LUZP2: variants seen among roughly 807,000 people sequenced by gnomAD.
LUZP2 encodes the protein leucine zipper protein 2.
In LUZP2, 52 loss-of-function variants were observed where a neutral mutation model predicts 51.6. The observed-to-expected ratio is 1.01, with a 90% CI of 0.81 to 1.27. The LOEUF (loss-of-function observed/expected upper bound fraction) is 1.27, where lower values mean the gene tolerates loss of function less well. Ranked by LOEUF, LUZP2 falls within the 50% of genes most tolerant of loss-of-function variation. The pLI is 0.00. For synonymous variants in LUZP2, 154 were observed against 137.3 expected (o/e 1.12, Z -0.85); for missense variants, 436 against 395.4 (o/e 1.10, Z -0.87).
chr11:24,751,572 C>T lies in LUZP2; in HGVS notation c.334-11674C>T, dbSNP rs113445101. 22 of 982,496 alleles carry T rather than the reference C, an allele frequency of 2.2e-5. No individual in the cohort carries two copies. The African/African-American group carries it at 2.8e-4, about 12-fold the overall frequency. 60.9% of individuals were successfully genotyped at this position (982,496 alleles called of 1,614,324 possible). ...GGAAGGGTGGAGTCGTAGTACCCAC[C>T]CCATCTCCCTTAGATCCCCTAAGAG... On this transcript the variant is annotated intron_variant, in intron 4 of 11. Coordinates refer to ENST00000336930, the MANE Select transcript of LUZP2 (RefSeq NM_001009909.4).
chr11:24,632,248 A>G (rs1371056834), intron 1 of LUZP2, among the ~76,000 whole-genome samples: 3 of 152,024 alleles, frequency 2.0e-5, no homozygotes, highest in Non-Finnish European at 4.4e-5. Context: ...TAGAATATTT[A>G]TTCATATATT....
chr11:24,882,546 C>A (rs754670542), intron 5 of LUZP2, among the ~76,000 whole-genome samples: 12 of 151,968 alleles, frequency 7.9e-5, no homozygotes, highest in Non-Finnish European at 1.5e-4. Context: ...GACATGTATC[C>A]ATCATTGTAG....
At chr11:24,993,675 G>C (rs1219954741) in intron 9 of LUZP2, among the ~76,000 whole-genome samples, 4 of 151,944 alleles carry the variant, frequency 2.6e-5, no homozygotes, top group Non-Finnish European at 5.9e-5. Context: ...AGCCACACCA[G>C]TTTTTACATC....
intron 1 of LUZP2, among the ~76,000 whole-genome samples, chr11:24,633,724 T>C (rs111713636): frequency 2.6e-3 from 394 of 152,066 alleles, no homozygotes; most frequent in African/African-American, 9.0e-3. Context: ...ATGTTTTCTA[T>C]CTCATAATGA....
chr11:24,958,811 G>A (rs1215433923), intron 7 of LUZP2, among the ~76,000 whole-genome samples: 1 of 152,144 alleles, frequency 6.6e-6, no homozygotes, highest in African/African-American at 2.4e-5. Flanking sequence ...TGGTGTTTTA[G>A]ACATGAAGTC....
intron 5 of LUZP2, among the ~76,000 whole-genome samples, chr11:24,866,249 A>G (rs2134256411): frequency 6.6e-6 from 1 of 152,284 alleles, no homozygotes; most frequent in South Asian, 2.1e-4. Flanking sequence ...TATCTTTATA[A>G]AATGATAACT....
chr11:24,670,131 T>C (rs1257353790), intron 1 of LUZP2, among the ~76,000 whole-genome samples: 1 of 152,094 alleles, frequency 6.6e-6, no homozygotes, highest in African/African-American at 2.4e-5. Context: ...AGCTGCTTAA[T>C]ATAGTCTTAT....
At chr11:24,974,229 T>G (rs1056880392) in intron 7 of LUZP2, among the ~76,000 whole-genome samples, 22 of 152,144 alleles carry the variant, frequency 1.4e-4, no homozygotes, top group African/African-American at 5.1e-4. Flanking sequence ...GTTTAATGTC[T>G]GTTTTGTCAG....
intron 9 of LUZP2, among the ~76,000 whole-genome samples, chr11:25,026,377 G>C (rs1460496077): frequency 6.6e-6 from 1 of 152,050 alleles, no homozygotes; most frequent in Non-Finnish European, 1.5e-5. Context: ...TATGAAAATT[G>C]AATGCTTAAC....
At chr11:24,650,878 C>T (rs11028093) in intron 1 of LUZP2, among the ~76,000 whole-genome samples, 5,493 of 152,054 alleles carry the variant, frequency 0.036, 118 homozygotes, top group South Asian at 0.078. Context: ...AATACATTAC[C>T]TTAGGCAGAT....
intron 9 of LUZP2, among the ~76,000 whole-genome samples, chr11:25,006,885 C>T (rs567623413): frequency 1.2e-3 from 189 of 152,238 alleles, no homozygotes; most frequent in African/African-American, 4.4e-3. Context: ...GCTTCCACAG[C>T]GTGGAAAGGG....
At chr11:24,598,307 T>A (rs534380728) in intron 1 of LUZP2, among the ~76,000 whole-genome samples, 1 of 151,944 alleles carries the variant, frequency 6.6e-6, no homozygotes, top group Non-Finnish European at 1.5e-5. Flanking sequence ...GCAATCAAAA[T>A]GTTTTTTGTA....
intron 1 of LUZP2, among the ~76,000 whole-genome samples, chr11:24,517,736 A>G (rs957322397): frequency 6.6e-6 from 1 of 152,032 alleles, no homozygotes; most frequent in Non-Finnish European, 1.5e-5. Flanking sequence ...GAAGTGTTAA[A>G]TGAGAGTTTA....
rs946252896 is a variant in LUZP2 at position 24,750,653 on chromosome 11, A to G, written c.333+12351A>G. Among the ~76,000 whole-genome samples the G allele has an allele frequency of 3.3e-5, 5 of 152,128 alleles. No individual in the cohort carries two copies. In the East Asian group the frequency reaches 9.6e-4, roughly 29 times the overall value. ...GGGTATTTAAATAAACTGTATATTC[A>G]GTTGTTTGGCAACTTTTTTTATGAG... On this transcript the variant is annotated intron_variant, in intron 4 of 11. Coordinates refer to ENST00000336930, the MANE Select transcript of LUZP2 (RefSeq NM_001009909.4).
At chr11:24,879,759 A>G (rs1852397614) in intron 5 of LUZP2, among the ~76,000 whole-genome samples, 1 of 152,032 alleles carries the variant, frequency 6.6e-6, no homozygotes, top group Admixed American at 6.5e-5. Flanking sequence ...CCACTTTTTG[A>G]TGGGGCTGGA....
chr11:24,574,800 C>G (rs941039770), intron 1 of LUZP2, among the ~76,000 whole-genome samples: 1 of 151,954 alleles, frequency 6.6e-6, no homozygotes, highest in African/African-American at 2.4e-5. Context: ...CGATGGCTTC[C>G]AAATTATTTG....
intron 1 of LUZP2, among the ~76,000 whole-genome samples, chr11:24,699,688 GAC>G (rs1008410490): frequency 1.0e-3 from 103 of 99,942 alleles, no homozygotes; most frequent in African/African-American, 3.3e-3. Flanking sequence ...TATATACACA[GAC>G]ACACACACAC....
intron 1 of LUZP2, among the ~76,000 whole-genome samples, chr11:24,567,249 C>A: frequency 1.3e-5 from 2 of 150,098 alleles, no homozygotes; most frequent in African/African-American, 2.4e-5. Context: ...AAAAAAAAAT[C>A]AGTAAAGTAA....
chr11:25,004,414 C>T (rs1158161466), intron 9 of LUZP2, among the ~76,000 whole-genome samples: 2 of 152,114 alleles, frequency 1.3e-5, no homozygotes, highest in South Asian at 2.1e-4. Context: ...TCTCTGATCT[C>T]GCTTTTCCTT....
Sources: gnomAD v4.1 joint callset for allele counts (sites outside exome capture counted in the v4.1 genomes callset) on GRCh38, gnomAD v4.1.1 for gene constraint, MANE v1.5 for transcripts, NCBI Gene and HGNC (gene_info 2026-07-23, HGNC 2026-07-21) for gene names.